SLC34A1: variants seen among roughly 807,000 people sequenced by gnomAD.
SLC34A1 encodes the protein solute carrier family 34 member 1, also known as sodium-dependent phosphate transport protein 2A.
In SLC34A1, 57 loss-of-function variants were observed where a neutral mutation model predicts 51.4. The observed-to-expected ratio is 1.11, with a 90% CI of 0.90 to 1.38. The LOEUF (loss-of-function observed/expected upper bound fraction) is 1.38, where lower values mean the gene tolerates loss of function less well. Ranked by LOEUF, SLC34A1 falls within the 40% of genes most tolerant of loss-of-function variation. The pLI is 0.00. For missense variants in SLC34A1, 796 were observed against 835.6 expected, an observed-to-expected ratio of 0.95 and a Z score of 0.58; for synonymous variants, 368 against 358.0, an observed-to-expected ratio of 1.03 and a Z score of -0.32.
In SLC34A1 at chr5:177,386,240, GCTGCGC is replaced by G; in HGVS notation, c.281_286del (p.Leu94_Arg95del). ...ATCCAGAGTCCAGGCTGGTCCCCAA[GCTGCGC>G]CAGGCTGGCGCCATGCTGCTCAAGG... On this transcript the variant is annotated inframe_deletion, in exon 4 of 13. Transcript: ENST00000324417. This position sits in a 1 kb window ranked among gnomAD's most constrained non-coding sequence, Gnocchi z 4.8. 6.5e-7 allele frequency: 1 copy of G among 1,544,044 alleles called. No individual in the cohort carries two copies. The highest frequency in any genetic ancestry group is 8.9e-7 in the Non-Finnish European group (1 of 1,119,820).
At position 177,398,136 on chromosome 5, in the gene SLC34A1, C is replaced by T; in HGVS notation, c.1770C>T (p.Asp590=). ...GGATGCACTCCCTGAAGCCCCTGGA[C>T]CACCTCATCACCCGCGCCACCCTAT... ...PRWMHSLKPL[D]HLITRATLCC... Residue 590 remains aspartate, a synonymous_variant, in exon 13 of 13, where the codon GAC becomes GAT. Transcript: ENST00000324417. This position sits in a 1 kb window ranked among gnomAD's most constrained non-coding sequence, Gnocchi z 4.7. 6.2e-7 allele frequency: 1 copy of T among 1,611,378 alleles called. No individual in the cohort carries two copies. Among genetic ancestry groups the T allele is most frequent in the Non-Finnish European group, 8.5e-7 (1 of 1,178,092 alleles).
rs1446216276 is a variant in SLC34A1, at chr5:177,396,261, T to C, written c.1175-472T>C. ...CTGAGTCTGAGGATGAATATTCAGATGCTGAGTAGGATATTCCCAGCAGAG... is the reference window on the plus strand; with the variant it reads ...CTGAGTCTGAGGATGAATATTCAGACGCTGAGTAGGATATTCCCAGCAGAG... On this transcript the variant is annotated intron_variant, in intron 10 of 12. Transcript: ENST00000324417. This position sits in a 1 kb window ranked among gnomAD's most constrained non-coding sequence, Gnocchi z 4.0. Among the ~76,000 whole-genome samples, 1 of 152,154 alleles carries C rather than the reference T, an allele frequency of 6.6e-6. No homozygotes were observed. Among genetic ancestry groups the C allele is most frequent in the African/African-American group, 2.4e-5 (1 of 41,438 alleles).
Position 177,385,689 on chromosome 5 carries a change from A to T in SLC34A1, c.-47-6A>T. 7.7e-7 allele frequency: 1 copy of T among 1,293,374 alleles called. No individual in the cohort carries two copies. The highest frequency in any genetic ancestry group is 1.1e-6 in the Non-Finnish European group (1 of 898,434). 80.1% of individuals were successfully genotyped at this position (1,293,374 alleles called of 1,614,324 possible). A position where few individuals can be genotyped will look rare whatever the true frequency, so the allele number is the denominator to read the frequency against. On this transcript the variant is annotated splice_polypyrimidine_tract_variant and splice_region_variant and intron_variant, in intron 1 of 12. Coordinates refer to ENST00000324417, the MANE Select transcript of SLC34A1 (RefSeq NM_003052.5). ...GAGTGTCCCGGACACAGCTATTGTCATTCAGCGTTGCTGAGACCCACTGAC... is the reference window on the plus strand; with the variant it reads ...GAGTGTCCCGGACACAGCTATTGTCTTTCAGCGTTGCTGAGACCCACTGAC...
chr5:177,386,248 A>G lies in SLC34A1; in HGVS notation c.287A>G (p.Gln96Arg), dbSNP rs1051162650. Residue 96 changes from glutamine to arginine, a missense_variant, in exon 4 of 13, where the codon CAG becomes CGG. Coordinates refer to ENST00000324417, the MANE Select transcript of SLC34A1 (RefSeq NM_003052.5). This position sits in a 1 kb window ranked among gnomAD's most constrained non-coding sequence, Gnocchi z 4.8. ...PESRLVPKLR[Q>R]AGAMLLKVPL... ...TCCAGGCTGGTCCCCAAGCTGCGCC[A>G]GGCTGGCGCCATGCTGCTCAAGGTG... The G allele has an allele frequency of 6.5e-7, 1 of 1,544,056 alleles. No individual in the cohort carries two copies. Among genetic ancestry groups the G allele is most frequent in the Non-Finnish European group, 8.9e-7 (1 of 1,119,826 alleles).
intron 6 of SLC34A1, 37 bp from the exon 7 acceptor site, chr5:177,387,957 G>T: frequency 1.2e-6 from 2 of 1,611,200 alleles, no homozygotes; most frequent in Non-Finnish European, 1.7e-6. Flanking sequence ...CTGTGCACTG[G>T]CTCGAGCCTG....
Position 177,387,883 on chromosome 5 carries a change from G to T in SLC34A1, c.644+10G>T, listed in dbSNP as rs544714821. On this transcript the variant is annotated intron_variant, in intron 6 of 12. Transcript: ENST00000324417. ...GGACTGACTTCCGGCGGTGAGGGGG[G>T]CTGGGGGTTGGGGGCTCGTGCCTGG... 5 of 1,607,870 alleles carry T rather than the reference G, an allele frequency of 3.1e-6. No homozygotes were observed. The East Asian group carries it at 6.7e-5, about 22-fold the overall frequency.
Position 177,393,767 on chromosome 5 carries a change from A to G in SLC34A1, c.1006+4A>G. On this transcript the variant is annotated splice_donor_region_variant and intron_variant, in intron 9 of 12. Transcript: ENST00000324417. ...GGAAATGCCACCATGGAGAAATGTAAGTGCCTGCAACATGGGAGGTGTCCT... is the reference window on the plus strand; with the variant it reads ...GGAAATGCCACCATGGAGAAATGTAGGTGCCTGCAACATGGGAGGTGTCCT... The G allele has an allele frequency of 6.2e-7, 1 of 1,614,132 alleles. No individual in the cohort carries two copies. Among genetic ancestry groups the G allele is most frequent in the Non-Finnish European group, 8.5e-7 (1 of 1,179,996 alleles).
At position 177,385,316 on chromosome 5, in the gene SLC34A1, C is replaced by T. The variant is rs1762522399; in HGVS notation, c.-47-379C>T. On this transcript the variant is annotated intron_variant, in intron 1 of 12. Coordinates refer to ENST00000324417, the MANE Select transcript of SLC34A1 (RefSeq NM_003052.5). ...GCTGGGCGTCCTCAGTTCTCAGTGT[C>T]TTTTATCAATGCTATATCCAAGCCT... Among the ~76,000 whole-genome samples, 3 of 152,324 alleles carry T rather than the reference C, an allele frequency of 2.0e-5. No homozygotes were observed. In the South Asian group the frequency reaches 6.2e-4, roughly 32 times the overall value.
intron 10 of SLC34A1, among the ~76,000 whole-genome samples, chr5:177,394,619 G>A (rs1245513439): frequency 6.6e-6 from 1 of 151,966 alleles, no homozygotes; most frequent in Non-Finnish European, 1.5e-5. Context: ...CACTTTGGGA[G>A]GCTGAAGCAG....
chr5:177,390,598 ACCAGGTGACCATAG>A (rs1421717215), intron 8 of SLC34A1: 1 of 159,490 alleles, frequency 6.3e-6, no homozygotes, highest in East Asian at 1.9e-4. Context: ...CCTGAAGGCC[ACCAGGTGACCATAG>A]CCACGTGGAG....
chr5:177,396,700 A>G lies in SLC34A1; in HGVS notation c.1175-33A>G. Reference sequence around the variant, plus strand: ...CTGCTCTCCCAATGTCCCCGCTCTGACCCCAGCCTGCTGGGATGCGGTTTC... The same window carrying G: ...CTGCTCTCCCAATGTCCCCGCTCTGGCCCCAGCCTGCTGGGATGCGGTTTC... On this transcript the variant is annotated intron_variant, in intron 10 of 12. Transcript: ENST00000324417. The surrounding 1 kb of genome is among the most constrained non-coding windows in gnomAD (Gnocchi z 4.0). 2 of 1,601,016 alleles carry G rather than the reference A, an allele frequency of 1.2e-6. No homozygotes were observed. Among genetic ancestry groups the G allele is most frequent in the Non-Finnish European group, 1.7e-6 (2 of 1,168,264 alleles).
rs1762553192 is a variant in SLC34A1 at position 177,386,031 on chromosome 5, C to T, written c.154C>T (p.Leu52=). 1 of 1,609,384 alleles carries T rather than the reference C, an allele frequency of 6.2e-7. No individual in the cohort carries two copies. Among genetic ancestry groups the T allele is most frequent in the Non-Finnish European group, 8.5e-7 (1 of 1,177,320 alleles). Residue 52 remains leucine, a synonymous_variant, in exon 3 of 13, where the codon CTG becomes TTG. Coordinates refer to ENST00000324417, the MANE Select transcript of SLC34A1 (RefSeq NM_003052.5). This position sits in a 1 kb window ranked among gnomAD's most constrained non-coding sequence, Gnocchi z 4.8. Reference sequence around the variant, plus strand: ...GACCTCTGCCTATGCCTTCCCCAGCCTGGGCCCTGTGGCCCTTGCTGAGCA... The same window carrying T: ...GACCTCTGCCTATGCCTTCCCCAGCTTGGGCCCTGTGGCCCTTGCTGAGCA... ...PGTSAYAFPS[L]GPVALAEHTC...
At chr5:177,389,776 C>T in intron 8 of SLC34A1, 1 of 1,536,508 alleles carries the variant, frequency 6.5e-7, no homozygotes, top group East Asian at 2.4e-5. Flanking sequence ...AACCAGCAGC[C>T]TCCACGTCCT....
At position 177,396,781 on chromosome 5, in the gene SLC34A1, T is replaced by G. The variant is rs140649226; in HGVS notation, c.1223T>G (p.Val408Gly). The change falls in exon 11 of 13, where the codon GTG becomes GGG. Residue 408 changes from valine to glycine, a missense_variant. Physicochemically the swap from Val to Gly is moderately radical, Grantham distance 109 (BLOSUM62 -3). Transcript: ENST00000324417. This position sits in a 1 kb window ranked among gnomAD's most constrained non-coding sequence, Gnocchi z 4.0. The part of the protein sequence containing the change: ...TWVTGYFAMV[V>G]GASMTFVVQS... ...GTCACAGGCTACTTTGCCATGGTGG[T>G]GGGCGCCAGCATGACCTTCGTGGTC... The G allele has an allele frequency of 6.2e-7, 1 of 1,614,216 alleles. No individual in the cohort carries two copies. The highest frequency in any genetic ancestry group is 8.5e-7 in the Non-Finnish European group (1 of 1,180,040).
rs34736156 is a variant in SLC34A1, at chr5:177,394,688, C to CTTTTT, written c.1174+513_1174+517dup. Among the ~76,000 whole-genome samples, 10 of 105,090 alleles carry CTTTTT rather than the reference C, an allele frequency of 9.5e-5. 1 individual carries two copies. The highest frequency in any genetic ancestry group is 2.4e-4 in the African/African-American group (6 of 25,010). 68.9% of individuals were successfully genotyped at this position (105,090 alleles called of 152,430 possible). A position where few individuals can be genotyped will look rare whatever the true frequency, so the allele number is the denominator to read the frequency against. ...CTTGGGCAACATAGTGAGACTTTGT[C>CTTTTT]TTTTTTTTTTTTTTTTTTTTTTTTG... On this transcript the variant is annotated intron_variant, in intron 10 of 12. Transcript: ENST00000324417.
intron 8 of SLC34A1, among the ~76,000 whole-genome samples, chr5:177,392,653 T>G (rs1054315519): frequency 6.6e-6 from 1 of 152,112 alleles, no homozygotes; most frequent in Non-Finnish European, 1.5e-5. Flanking sequence ...AGATAAGGTC[T>G]TGCTCTGTCA....
At position 177,393,749 on chromosome 5, in the gene SLC34A1, C is replaced by T; in HGVS notation, c.992C>T (p.Ala331Val). Residue 331 changes from alanine to valine, a missense_variant, in exon 9 of 13, where the codon GCC becomes GTC. Ala to Val is a moderately conservative substitution (Grantham distance 64, BLOSUM62 0). Transcript: ENST00000324417. Reference sequence around the variant, plus strand: ...AACTCCAGCCAGACCCTTGGAAATGCCACCATGGAGAAATGTAAGTGCCTG... The same window carrying T: ...AACTCCAGCCAGACCCTTGGAAATGTCACCATGGAGAAATGTAAGTGCCTG... Reference protein sequence around the residue: ...EANSSQTLGNATMEKCNHIFV... With the variant: ...EANSSQTLGNVTMEKCNHIFV... The T allele has an allele frequency of 6.2e-7, 1 of 1,614,188 alleles. No homozygotes were observed. The highest frequency in any genetic ancestry group is 8.5e-7 in the Non-Finnish European group (1 of 1,180,016).
In SLC34A1 at chr5:177,395,185, A is replaced by T. The variant is rs35978990; in HGVS notation, c.1174+990A>T. The stretch of plus-strand genomic sequence containing the variant: ...CAAAAATAAATAAATAAATAAAAAT[A>T]GAAAAAGAAAATGAATTAGGAATAG... On this transcript the variant is annotated intron_variant, in intron 10 of 12. Transcript: ENST00000324417. Among the ~76,000 whole-genome samples, 816 of 152,234 alleles carry T rather than the reference A, an allele frequency of 5.4e-3. 4 individuals are homozygous for T. Among genetic ancestry groups the T allele is most frequent in the Non-Finnish European group, 8.8e-3 (599 of 68,030 alleles).
chr5:177,392,003 T>C (rs1762820716), intron 8 of SLC34A1, among the ~76,000 whole-genome samples: 1 of 152,204 alleles, frequency 6.6e-6, no homozygotes, highest in African/African-American at 2.4e-5. Context: ...ATCTAGCCCA[T>C]CGCAGCCTAT....
Sources: allele counts gnomAD v4.1 joint callset (sites outside exome capture counted in the v4.1 genomes callset), GRCh38; gene constraint gnomAD v4.1.1; non-coding constraint Gnocchi (gnomAD v3.1); transcripts MANE v1.5; gene names NCBI Gene and HGNC (gene_info 2026-07-23, HGNC 2026-07-21).